PMFBP1: variants seen among roughly 807,000 people sequenced by gnomAD.
PMFBP1 encodes polyamine-modulated factor 1-binding protein 1.
Under a neutral mutation model 137.8 loss-of-function variants are expected in PMFBP1, and 131 were observed. That is an observed-to-expected ratio of 0.95 (90% CI 0.82 to 1.10). The LOEUF is 1.10. Ranked by LOEUF, PMFBP1 falls within the 50% of genes least tolerant of loss-of-function variation. The pLI, the probability that PMFBP1 is intolerant of heterozygous loss-of-function variation, is 0.00. For missense variants in PMFBP1, 1,199 were observed against 1,175.4 expected (o/e 1.02, Z -0.29); for synonymous variants, 490 against 450.4 (o/e 1.09, Z -1.11).
At chr16:72,197,410 C>T in the PMFBP1 span, among the ~76,000 whole-genome samples, 1 of 152,212 alleles carries the variant, frequency 6.6e-6, no homozygotes. Context: ...TTTAGTTTAA[C>T]CTTTGGCTGT....
chr16:72,146,330 C>T (rs556015947), intron 5 of PMFBP1, among the ~76,000 whole-genome samples: 1 of 152,280 alleles, frequency 6.6e-6, no homozygotes, highest in East Asian at 1.9e-4. Flanking sequence ...AACAGCGCTT[C>T]ATGCTAAAAT....
intron 12 of PMFBP1, 152 bp downstream of exon 12, chr16:72,130,061 C>T (rs1053700530): frequency 3.3e-6 from 3 of 917,134 alleles, no homozygotes; most frequent in Non-Finnish European, 4.9e-6. Flanking sequence ...TGCTATGTTG[C>T]CTAGGCTGGT....
At chr16:72,124,745 G>A (rs777054514) in intron 17 of PMFBP1, 22 bp downstream of exon 17, 7 of 1,607,386 alleles carry the variant, frequency 4.4e-6, no homozygotes, top group Middle Eastern at 1.7e-4. Flanking sequence ...GAGGAGGCAC[G>A]CAGAAGCCAA....
the PMFBP1 span, among the ~76,000 whole-genome samples, chr16:72,222,588 C>T: frequency 6.6e-6 from 1 of 152,134 alleles, no homozygotes; most frequent in Non-Finnish European, 1.5e-5. Flanking sequence ...GCCCATCCCT[C>T]AGGTCATTTG....
chr16:72,240,914 A>T, the PMFBP1 span, among the ~76,000 whole-genome samples: 157 of 147,088 alleles, frequency 1.1e-3, no homozygotes, highest in Admixed American at 2.3e-3. Flanking sequence ...TGTGTGTGTG[A>T]GAGAGAGAGA....
At chr16:72,214,412 T>A in the PMFBP1 span, among the ~76,000 whole-genome samples, 2 of 152,132 alleles carry the variant, frequency 1.3e-5, no homozygotes, top group South Asian at 2.1e-4. Flanking sequence ...TCTGACATTG[T>A]GATCCACCCG....
intron 9 of PMFBP1, among the ~76,000 whole-genome samples, chr16:72,135,376 T>TTTG (rs1296198130): frequency 1.3e-5 from 2 of 148,198 alleles, no homozygotes; most frequent in Non-Finnish European, 3.0e-5. Context: ...TTTTTTTTTT[T>TTTG]TTGTTGTTGT....
the PMFBP1 span, among the ~76,000 whole-genome samples, chr16:72,229,841 T>C: frequency 1.3e-5 from 2 of 151,990 alleles, no homozygotes; most frequent in South Asian, 4.2e-4. Flanking sequence ...AAATTGGCTA[T>C]TTTTTTTGCG....
chr16:72,193,499 T>C, the PMFBP1 span, among the ~76,000 whole-genome samples: 16,619 of 152,192 alleles, frequency 0.11, 1,204 homozygotes, highest in Middle Eastern at 0.16. Context: ...TTATTGCTTA[T>C]CTGTATTTTT....
the PMFBP1 span, among the ~76,000 whole-genome samples, chr16:72,240,946 CAAGA>C: frequency 2.0e-5 from 3 of 149,784 alleles, no homozygotes; most frequent in African/African-American, 2.5e-5. Flanking sequence ...GGAGAGCGTG[CAAGA>C]GAGAGAGAGA....
the PMFBP1 span, among the ~76,000 whole-genome samples, chr16:72,197,654 G>A: frequency 1.3e-4 from 20 of 152,270 alleles, no homozygotes; most frequent in Admixed American, 7.8e-4. Flanking sequence ...AGGGACCCCA[G>A]AATATTGACC....
chr16:72,216,291 T>C, the PMFBP1 span, among the ~76,000 whole-genome samples: 1 of 152,210 alleles, frequency 6.6e-6, no homozygotes, highest in East Asian at 1.9e-4. Context: ...GAAATGATTT[T>C]ATTGTGTTAA....
chr16:72,136,329 C>A, intron 9 of PMFBP1, 119 bp downstream of exon 9: 4 of 1,163,534 alleles, frequency 3.4e-6, no homozygotes, highest in East Asian at 2.4e-5. Context: ...CACCATCTCA[C>A]TGTGCTTGTG....
chr16:72,208,793 G>A, the PMFBP1 span, among the ~76,000 whole-genome samples: 1 of 152,154 alleles, frequency 6.6e-6, no homozygotes, highest in East Asian at 1.9e-4. Flanking sequence ...CACCTTTCAG[G>A]CATTGGTGCG....
chr16:72,207,023 G>C, the PMFBP1 span, among the ~76,000 whole-genome samples: 20 of 152,190 alleles, frequency 1.3e-4, no homozygotes, highest in African/African-American at 4.8e-4. Context: ...ATTTTGTCTC[G>C]GTAGCCACCC....
chr16:72,235,012 T>C, the PMFBP1 span, among the ~76,000 whole-genome samples: 1 of 152,204 alleles, frequency 6.6e-6, no homozygotes, highest in Admixed American at 6.6e-5. Context: ...ACCTTCTTGA[T>C]GGCGTACTTT....
intron 9 of PMFBP1, among the ~76,000 whole-genome samples, chr16:72,134,414 G>T (rs747821892): frequency 6.6e-6 from 1 of 152,128 alleles, no homozygotes; most frequent in Admixed American, 6.5e-5. Context: ...AGACTCCTGG[G>T]CTCAAGTGAT....
rs775573774 is a variant in PMFBP1 at position 72,125,989 on chromosome 16, G to T, written c.2232C>A (p.Asp744Glu). The T allele has an allele frequency of 2.5e-5, 41 of 1,614,048 alleles. No individual in the cohort carries two copies. The highest frequency in any genetic ancestry group is 3.3e-5 in the Admixed American group (2 of 60,006). ...LSRKSAACQD[D>E]LTQALEKLNH... ...TCACCTTCTCGAGGGCTTGTGTCAG[G>T]TCATCCTGGCAGGCGGCTGACTTCC... Residue 744 changes from aspartate (D) to glutamate (E), a missense_variant, in exon 15 of 21, where the codon GAC (aspartate) becomes GAA (glutamate). By Grantham distance (45) the Asp-to-Glu change is conservative. Transcript: ENST00000237353.
chr16:72,196,491 T>C, the PMFBP1 span, among the ~76,000 whole-genome samples: 187 of 152,304 alleles, frequency 1.2e-3, 1 homozygote, highest in Admixed American at 2.7e-3. Flanking sequence ...TAAATCCTCA[T>C]AGGCAAAGCT....
Sources: allele counts gnomAD v4.1 joint callset (sites outside exome capture counted in the v4.1 genomes callset), GRCh38; gene constraint gnomAD v4.1.1; transcripts MANE v1.5; gene names NCBI Gene and HGNC (gene_info 2026-07-23, HGNC 2026-07-21).